Variants in AKT3 observed in about 807,000 individuals in gnomAD.
AKT3 encodes AKT serine/threonine kinase 3.
A neutral mutation model predicts 65.3 loss-of-function variants in AKT3; 15 were observed. The ratio of observed to expected loss-of-function variants is 0.23; its 90% CI spans 0.15 to 0.35. The LOEUF (loss-of-function observed/expected upper bound fraction) is 0.35. Among genes scored for constraint, AKT3 ranks in the 10% least tolerant of loss-of-function variants. The pLI is 1.00. For missense variants in AKT3, 243 were observed against 576.5 expected (o/e 0.42, Z 5.92); for synonymous variants, 206 against 183.8 (o/e 1.12, Z -0.98).
chr1:243,779,843 G>C (rs904740901), intron 2 of AKT3, among the ~76,000 whole-genome samples: 1 of 152,074 alleles, frequency 6.6e-6, no homozygotes, highest in Non-Finnish European at 1.5e-5. Context: ...CATGTCAAAA[G>C]AATTTAAAAG....
At chr1:243,757,477 G>A (rs1030067415) in intron 2 of AKT3, among the ~76,000 whole-genome samples, 12 of 152,196 alleles carry the variant, frequency 7.9e-5, no homozygotes, top group African/African-American at 2.9e-4. Flanking sequence ...AATTAGCTGG[G>A]CGTGGTATCA....
At chr1:243,532,332 T>G (rs1256120967) in intron 12 of AKT3, among the ~76,000 whole-genome samples, 1 of 152,190 alleles carries the variant, frequency 6.6e-6, no homozygotes, top group Non-Finnish European at 1.5e-5. Flanking sequence ...GCAGTTTCCT[T>G]CTATTCCTAG....
chr1:243,712,063 A>G (rs1314825248), intron 2 of AKT3, among the ~76,000 whole-genome samples: 1 of 152,206 alleles, frequency 6.6e-6, no homozygotes, highest in African/African-American at 2.4e-5. Context: ...CTTTAATAAC[A>G]AACACCTTCT....
intron 2 of AKT3, among the ~76,000 whole-genome samples, chr1:243,720,567 T>C (rs1686824547): frequency 6.6e-6 from 1 of 151,958 alleles, no homozygotes; most frequent in South Asian, 2.1e-4. Flanking sequence ...ATAAATAGGA[T>C]CTCAGCCTGA....
chr1:243,735,485 C>CT (rs1365124990), intron 2 of AKT3: 1 of 152,164 alleles, frequency 6.6e-6, no homozygotes, highest in East Asian at 1.9e-4. Context: ...ATATTTGAAA[C>CT]TTTAACTGGC....
intron 2 of AKT3, among the ~76,000 whole-genome samples, chr1:243,765,192 TA>T (rs535766166): frequency 6.6e-5 from 10 of 152,130 alleles, no homozygotes; most frequent in Non-Finnish European, 1.5e-4. Flanking sequence ...ATTTAATGTG[TA>T]TAAAACTTAT....
intron 2 of AKT3, among the ~76,000 whole-genome samples, chr1:243,755,100 G>A (rs140519101): frequency 8.5e-4 from 130 of 152,128 alleles, no homozygotes; most frequent in African/African-American, 2.9e-3. Context: ...ACAGAGTCTC[G>A]CTGTGTCCCC....
chr1:243,574,289 A>G (rs1353810189), intron 8 of AKT3, among the ~76,000 whole-genome samples: 1 of 151,830 alleles, frequency 6.6e-6, no homozygotes, highest in Non-Finnish European at 1.5e-5. Context: ...TTATAAGATA[A>G]GCTTTATGCA....
chr1:243,568,327 T>C (rs1674320927), intron 9 of AKT3, among the ~76,000 whole-genome samples: 2 of 152,038 alleles, frequency 1.3e-5, no homozygotes, highest in South Asian at 4.1e-4. Context: ...AAAGTAGTGA[T>C]GAAGTCAAAT....
intron 2 of AKT3, among the ~76,000 whole-genome samples, chr1:243,715,605 C>T (rs1686460091): frequency 6.6e-6 from 1 of 151,946 alleles, no homozygotes; most frequent in African/African-American, 2.4e-5. Flanking sequence ...TCATTCTCTA[C>T]AAAGTGGAGA....
chr1:243,515,606 T>C (rs866892019), intron 12 of AKT3, among the ~76,000 whole-genome samples: 4 of 152,264 alleles, frequency 2.6e-5, no homozygotes, highest in Non-Finnish European at 5.9e-5. Context: ...TGATTCTTTG[T>C]ATCTATTGTT....
chr1:243,717,877 T>C (rs909657713), intron 2 of AKT3, among the ~76,000 whole-genome samples: 1 of 152,242 alleles, frequency 6.6e-6, no homozygotes, highest in Non-Finnish European at 1.5e-5. Flanking sequence ...TCATAAAACA[T>C]ACATTGTACA....
At chr1:243,810,442 C>A (rs1291402134) in intron 2 of AKT3, among the ~76,000 whole-genome samples, 1 of 151,974 alleles carries the variant, frequency 6.6e-6, no homozygotes, top group African/African-American at 2.4e-5. Context: ...CGGATAAATT[C>A]CTCGACACAT....
intron 3 of AKT3, among the ~76,000 whole-genome samples, chr1:243,694,079 G>A (rs979784166): frequency 8.5e-5 from 13 of 152,094 alleles, no homozygotes; most frequent in East Asian, 5.8e-4. Flanking sequence ...TTTAAAACTC[G>A]TTGGGGTGTG....
intron 8 of AKT3, among the ~76,000 whole-genome samples, chr1:243,582,351 A>G (rs910828873): frequency 1.1e-4 from 16 of 151,872 alleles, no homozygotes; most frequent in Admixed American, 3.3e-4. Flanking sequence ...CTAGAGAAAA[A>G]GGGCAGATCA....
chr1:243,667,750 C>T (rs1485961672), intron 3 of AKT3, among the ~76,000 whole-genome samples: 1 of 152,182 alleles, frequency 6.6e-6, no homozygotes, highest in Non-Finnish European at 1.5e-5. Context: ...AAGTGATCAG[C>T]AGGTGTCCTA....
rs558774589 is a variant in AKT3 at position 243,499,891 on chromosome 1, C to T, written c.*5358G>A. The T allele has an allele frequency of 3.2e-5, 34 of 1,077,872 alleles. No individual in the cohort carries two copies. The East Asian group carries it at 3.2e-4, about 10-fold the overall frequency. 66.8% of individuals were successfully genotyped at this position (1,077,872 alleles called of 1,614,324 possible). ...CACCACGACCTTCCCAGGGTGACAC[C>T]GCCTCAGCCTGCAGTGGGGCTGGTC... On this transcript the variant is annotated 3_prime_UTR_variant, in exon 14 of 14. Transcript: ENST00000673466.
intron 2 of AKT3, among the ~76,000 whole-genome samples, chr1:243,813,811 A>G (rs555088631): frequency 1.6e-4 from 24 of 152,348 alleles, no homozygotes; most frequent in African/African-American, 5.5e-4. Context: ...TAAAAATTTT[A>G]AAGAGTATAT....
At chr1:243,623,500 A>G (rs555758419) in intron 6 of AKT3, among the ~76,000 whole-genome samples, 7 of 152,276 alleles carry the variant, frequency 4.6e-5, no homozygotes, top group Non-Finnish European at 8.8e-5. Flanking sequence ...AGCAGACACC[A>G]TCCAATCAAC....
Sources: gnomAD v4.1 joint callset for allele counts (sites outside exome capture counted in the v4.1 genomes callset) on GRCh38, gnomAD v4.1.1 for gene constraint, MANE v1.5 for transcripts, NCBI Gene and HGNC (gene_info 2026-07-23, HGNC 2026-07-21) for gene names.